CDHR3: variants seen among roughly 807,000 people sequenced by gnomAD.
The protein encoded by CDHR3 is cadherin related family member 3, also known as cadherin-related family member 3.
CDHR3 carries 79 observed loss-of-function variants against 86.6 expected under a neutral mutation model. The observed-to-expected ratio is 0.91, with a 90% CI of 0.76 to 1.10. The LOEUF is 1.10. Ranked by LOEUF, CDHR3 falls within the 50% of genes least tolerant of loss-of-function variation. CDHR3 has a pLI of 0.00. For synonymous variants in CDHR3, 421 were observed against 402.4 expected (o/e 1.05, Z -0.55); for missense variants, 1,081 against 1,077.6 (o/e 1.00, Z -0.04).
intron 7 of CDHR3, among the ~76,000 whole-genome samples, 185 bp from the exon 8 acceptor site, chr7:106,004,313 G>A (rs1371309085): frequency 1.3e-5 from 2 of 152,242 alleles, no homozygotes; most frequent in Non-Finnish European, 2.9e-5. Context: ...GAAGGGTCAG[G>A]CCAGATACCC....
At chr7:106,028,633 C>T in intron 17 of CDHR3, 51 bp downstream of exon 17, 2 of 1,598,992 alleles carry the variant, frequency 1.3e-6, no homozygotes, top group South Asian at 2.2e-5. Flanking sequence ...GGGATAGGGG[C>T]TCCCGTCTCC....
intron 2 of CDHR3, 94 bp downstream of exon 2, chr7:105,975,140 C>G: frequency 9.3e-7 from 1 of 1,080,406 alleles, no homozygotes; most frequent in South Asian, 1.3e-5. Flanking sequence ...TTAATTCCTC[C>G]ATCTGGTTTA....
chr7:106,003,882 GA>G (rs1408406438), intron 7 of CDHR3, among the ~76,000 whole-genome samples: 1 of 146,256 alleles, frequency 6.8e-6, no homozygotes, highest in Non-Finnish European at 1.5e-5. Context: ...CTAGTGTTGC[GA>G]AATTCAACTT....
intron 8 of CDHR3, among the ~76,000 whole-genome samples, chr7:106,010,320 G>A (rs1022685407): frequency 1.3e-5 from 2 of 152,188 alleles, no homozygotes; most frequent in East Asian, 1.9e-4. Flanking sequence ...CCTGTGCAGT[G>A]GGGACAAGAA....
At position 105,984,249 on chromosome 7, in the gene CDHR3, C is replaced by G; in HGVS notation, c.473C>G (p.Ala158Gly). 1.2e-6 allele frequency: 2 copies of G among 1,610,770 alleles called. No homozygotes were observed. Among genetic ancestry groups the G allele is most frequent in the African/African-American group, 1.3e-5 (1 of 74,998 alleles). ...CCTGGATTCATTTACCAGGTTGAGGCCTTCGATCCAGAAGACACAAGCCGA... is the reference window on the plus strand; with the variant it reads ...CCTGGATTCATTTACCAGGTTGAGGGCTTCGATCCAGAAGACACAAGCCGA... ...ANPGFIYQVEAFDPEDTSRNI... is the reference protein window; with the variant it reads ...ANPGFIYQVEGFDPEDTSRNI... The change falls in exon 4 of 19, where the codon GCC becomes GGC. Residue 158 changes from alanine to glycine, a missense_variant. By Grantham distance (60) the Ala-to-Gly change is moderately conservative. Transcript: ENST00000317716.
intron 15 of CDHR3, 96 bp from the exon 16 acceptor site, chr7:106,026,586 A>C: frequency 4.6e-6 from 6 of 1,294,236 alleles, no homozygotes; most frequent in Non-Finnish European, 5.6e-6. Flanking sequence ...CTGTATCTCA[A>C]AGGGCATAGT....
intron 14 of CDHR3, among the ~76,000 whole-genome samples, chr7:106,023,221 C>G (rs1371846465): frequency 6.6e-6 from 1 of 152,166 alleles, no homozygotes; most frequent in Non-Finnish European, 1.5e-5. Flanking sequence ...CCAACTCTAT[C>G]CCCTAACCTA....
intron 8 of CDHR3, among the ~76,000 whole-genome samples, chr7:106,005,603 AGAGTCTCCT>A (rs1030713687): frequency 5.9e-5 from 9 of 152,192 alleles, no homozygotes; most frequent in Non-Finnish European, 1.3e-4. Context: ...CCCCATGGGG[AGAGTCTCCT>A]GAGTTTATCT....
At chr7:105,999,369 G>A (rs1462056231) in intron 6 of CDHR3, among the ~76,000 whole-genome samples, 1 of 152,156 alleles carries the variant, frequency 6.6e-6, no homozygotes, top group East Asian at 1.9e-4. Flanking sequence ...TGGGGATCTG[G>A]GTTCCTGGAG....
chr7:105,995,566 T>G (rs1832060502), intron 5 of CDHR3, among the ~76,000 whole-genome samples: 1 of 152,120 alleles, frequency 6.6e-6, no homozygotes, highest in Non-Finnish European at 1.5e-5. Context: ...GCCGGTGAAG[T>G]CCTGCTCGTT....
chr7:106,006,666 T>C (rs188111013), intron 8 of CDHR3, among the ~76,000 whole-genome samples: 11 of 152,334 alleles, frequency 7.2e-5, no homozygotes, highest in African/African-American at 2.6e-4. Context: ...TGGGTTCCCA[T>C]GATCTTGGGC....
chr7:106,010,243 G>A lies in CDHR3; in HGVS notation c.1053-2617G>A, dbSNP rs142986545. On this transcript the variant is annotated intron_variant, in intron 8 of 18. Coordinates refer to ENST00000317716, the MANE Select transcript of CDHR3 (RefSeq NM_152750.5). ...TTACAGTGACTCTAACACTGCAGAG[G>A]ATCAAGTCTGGATACATCCACTTTC... Among the ~76,000 whole-genome samples the A allele has an allele frequency of 8.1e-4, 123 of 152,284 alleles. 1 individual carries two copies. In the East Asian group the frequency reaches 0.022, roughly 27 times the overall value.
At chr7:105,990,640 C>G (rs1382036252) in intron 4 of CDHR3, among the ~76,000 whole-genome samples, 1 of 152,106 alleles carries the variant, frequency 6.6e-6, no homozygotes, top group Non-Finnish European at 1.5e-5. Context: ...AAGGGTCTTT[C>G]CTTCTGGAAA....
intron 4 of CDHR3, among the ~76,000 whole-genome samples, chr7:105,988,731 A>G (rs1469329442): frequency 6.6e-6 from 1 of 152,264 alleles, no homozygotes; most frequent in East Asian, 1.9e-4. Flanking sequence ...GGCTCTGTCC[A>G]ATAAAGCTAT....
intron 1 of CDHR3, among the ~76,000 whole-genome samples, chr7:105,972,329 G>A (rs1342780262): frequency 6.6e-6 from 1 of 152,160 alleles, no homozygotes; most frequent in East Asian, 1.9e-4. Context: ...GGCTAGGCAC[G>A]ATCTTACCCT....
At chr7:106,018,094 A>G in intron 12 of CDHR3, 22 bp downstream of exon 12, 3 of 1,602,098 alleles carry the variant, frequency 1.9e-6, no homozygotes, top group Non-Finnish European at 2.6e-6. Context: ...TGCTTGGTAT[A>G]GTGCCGGTAA....
At chr7:106,013,932 T>G (rs1288047514) in intron 9 of CDHR3, among the ~76,000 whole-genome samples, 2 of 152,188 alleles carry the variant, frequency 1.3e-5, no homozygotes, top group African/African-American at 4.8e-5. Context: ...TTATGTGTAT[T>G]TTATACATAT....
chr7:105,979,008 G>A (rs115620675), intron 2 of CDHR3, among the ~76,000 whole-genome samples: 1,709 of 152,238 alleles, frequency 0.011, 43 homozygotes, highest in African/African-American at 0.038. Flanking sequence ...ACCTGCTCTG[G>A]TGGACATATA....
At chr7:105,988,085 C>T (rs1236928076) in intron 4 of CDHR3, among the ~76,000 whole-genome samples, 3 of 152,106 alleles carry the variant, frequency 2.0e-5, no homozygotes, top group Admixed American at 1.3e-4. Flanking sequence ...GATAGGGTTT[C>T]GCTATGTTGC....
Sources: allele counts gnomAD v4.1 joint callset (sites outside exome capture counted in the v4.1 genomes callset), GRCh38; gene constraint gnomAD v4.1.1; transcripts MANE v1.5; gene names NCBI Gene and HGNC (gene_info 2026-07-23, HGNC 2026-07-21).